HVCN1: variants seen among roughly 807,000 people sequenced by gnomAD.
The protein encoded by HVCN1 is voltage-gated hydrogen channel 1.
Under a neutral mutation model 29.2 loss-of-function variants are expected in HVCN1, and 14 were observed. The observed-to-expected ratio is 0.48, with a 90% confidence interval of 0.32 to 0.75. The LOEUF (loss-of-function observed/expected upper bound fraction) is 0.75. HVCN1 is among the 30% of genes least tolerant of loss of function. The pLI is 0.04. For synonymous variants in HVCN1, 131 were observed against 133.2 expected (o/e 0.98, Z 0.11); for missense variants, 263 against 341.8 (o/e 0.77, Z 1.82).
upstream of HVCN1, among the ~76,000 whole-genome samples, chr12:110,692,890 G>A (rs1365316338): frequency 6.6e-6 from 1 of 152,114 alleles, no homozygotes; most frequent in Non-Finnish European, 1.5e-5. Flanking sequence ...TTTAGAGACA[G>A]GGTCTCACTT....
chr12:110,655,763 G>A (rs1488496143), intron 4 of HVCN1, among the ~76,000 whole-genome samples: 1 of 148,732 alleles, frequency 6.7e-6, no homozygotes, highest in Non-Finnish European at 1.5e-5. Context: ...GGAGTACAGT[G>A]GCATGATCTC....
In HVCN1 at chr12:110,658,034, A is replaced by G. The variant is rs970629903; in HGVS notation, c.307-2696T>C. ...AATGGGAGCATGACGTGAGTGAAGT[A>G]TGAAGGGCGCTTAGCACACGGCTGG... On this transcript the variant is annotated intron_variant, in intron 4 of 7. Transcript: ENST00000242607. The surrounding 1 kb of genome is among the most constrained non-coding windows in gnomAD (Gnocchi z 5.0). Among the ~76,000 whole-genome samples, 1 of 152,160 alleles carries G rather than the reference A, an allele frequency of 6.6e-6. No individual in the cohort carries two copies. The highest frequency in any genetic ancestry group is 2.4e-5 in the African/African-American group (1 of 41,438).
Position 110,649,349 on chromosome 12 carries a change from C to T in HVCN1, c.*61G>A, listed in dbSNP as rs1367284118. ...AGCGGCCCAGGAGGGGCAGCTGTTC[C>T]TCTCGTGACAGCACAGGCCCATGAG... On this transcript the variant is annotated 3_prime_UTR_variant, in exon 8 of 8. Coordinates refer to ENST00000242607, the MANE Select transcript of HVCN1 (RefSeq NM_032369.4). 5.7e-6 allele frequency: 8 copies of T among 1,398,344 alleles called. No individual in the cohort carries two copies. The highest frequency in any genetic ancestry group is 4.7e-5 in the East Asian group (2 of 42,550). The allele number at this position is 1,398,344 out of a possible 1,614,324, so 86.6% of individuals were successfully genotyped here. A position where few individuals can be genotyped will look rare whatever the true frequency, so the allele number is the denominator to read the frequency against.
intron 3 of HVCN1, among the ~76,000 whole-genome samples, chr12:110,665,180 A>G (rs368532669): frequency 4.9e-4 from 75 of 152,350 alleles, no homozygotes; most frequent in African/African-American, 1.8e-3. Context: ...TCATAGATGC[A>G]TACTGTCTAG....
chr12:110,699,469 C>G (rs902661076), intron 2 of HVCN1, among the ~76,000 whole-genome samples: 1 of 152,074 alleles, frequency 6.6e-6, no homozygotes. Context: ...GGCCCCACTG[C>G]CTTCCAGCCG....
At chr12:110,700,284 C>T (rs2069550804) in intron 2 of HVCN1, among the ~76,000 whole-genome samples, 1 of 152,196 alleles carries the variant, frequency 6.6e-6, no homozygotes, top group African/African-American at 2.4e-5. Context: ...AGCTGTTTGT[C>T]CTTGTCGCCC....
Position 110,648,958 on chromosome 12 carries a change from A to G in HVCN1, c.*452T>C, listed in dbSNP as rs769770058. 27 of 430,548 alleles carry G rather than the reference A, an allele frequency of 6.3e-5. No individual in the cohort carries two copies. The highest frequency in any genetic ancestry group is 1.7e-4 in the South Asian group (10 of 58,442). 26.7% of individuals were successfully genotyped at this position (430,548 alleles called of 1,614,324 possible). A position where few individuals can be genotyped will look rare whatever the true frequency, so the allele number is the denominator to read the frequency against. ...GGGTACCCCTTTTGGGGAAACTGAG[A>G]CGAAGCTATTTAGAACAGCTTGAAA... On this transcript the variant is annotated 3_prime_UTR_variant, in exon 8 of 8. Transcript: ENST00000242607.
intron 2 of HVCN1, among the ~76,000 whole-genome samples, chr12:110,698,407 G>T (rs1270370010): frequency 6.6e-6 from 1 of 152,266 alleles, no homozygotes; most frequent in East Asian, 1.9e-4. Flanking sequence ...ACACTCAAGG[G>T]TTTAGCAGCA....
intron 5 of HVCN1, among the ~76,000 whole-genome samples, chr12:110,652,549 T>G (rs1283529075): frequency 6.6e-6 from 1 of 152,178 alleles, no homozygotes; most frequent in Non-Finnish European, 1.5e-5. Context: ...GCAGTCAACT[T>G]GAAGAGGCTC....
At chr12:110,692,531 G>A (rs1037611309), upstream of HVCN1, among the ~76,000 whole-genome samples, 15 of 152,086 alleles carry the variant, frequency 9.9e-5, no homozygotes, top group African/African-American at 3.4e-4. Context: ...ATGAGCCTTG[G>A]TGACAGAACA....
chr12:110,679,935 A>G (rs1020811132), intron 3 of HVCN1, among the ~76,000 whole-genome samples: 1 of 151,870 alleles, frequency 6.6e-6, no homozygotes, highest in Admixed American at 6.6e-5. Context: ...AGGAGGGCCG[A>G]TGAGGCTATC....
At chr12:110,680,050 A>G (rs964711699) in intron 3 of HVCN1, among the ~76,000 whole-genome samples, 1 of 152,208 alleles carries the variant, frequency 6.6e-6, no homozygotes, top group African/African-American at 2.4e-5. Flanking sequence ...CTGACACTCA[A>G]AAAGCTCTAA....
rs372358561 is a variant in HVCN1, at chr12:110,702,030, C to T, written c.-104+279G>A. Among the ~76,000 whole-genome samples, 83 of 150,036 alleles carry T rather than the reference C, an allele frequency of 5.5e-4. 1 individual carries two copies. Among genetic ancestry groups the T allele is most frequent in the African/African-American group, 1.9e-3 (79 of 40,900 alleles). Reference sequence around the variant, plus strand: ...GCACGATCTTAGCTCACTGCAACCTCGCCTCCCGGGTTCAAGTGATTCTCT... The same window carrying T: ...GCACGATCTTAGCTCACTGCAACCTTGCCTCCCGGGTTCAAGTGATTCTCT... On this transcript the variant is annotated intron_variant, in intron 2 of 4. Transcript: ENST00000546713.
At chr12:110,687,852 G>A (rs1222965229) in intron 2 of HVCN1, 1 of 152,498 alleles carries the variant, frequency 6.6e-6, no homozygotes, top group Admixed American at 6.5e-5. Flanking sequence ...CTGTGTCGGG[G>A]AGGGCAGGGG....
At chr12:110,664,302 T>A (rs577677893) in intron 3 of HVCN1, among the ~76,000 whole-genome samples, 2 of 152,246 alleles carry the variant, frequency 1.3e-5, no homozygotes, top group South Asian at 4.1e-4. Flanking sequence ...AATACTGAAA[T>A]GTTTGTTAAG....
chr12:110,654,023 G>T (rs1336579552), intron 5 of HVCN1, among the ~76,000 whole-genome samples: 1 of 152,188 alleles, frequency 6.6e-6, no homozygotes. Context: ...GTGTGCGTCC[G>T]TGGGGATGTA....
At position 110,674,378 on chromosome 12, in the gene HVCN1, A is replaced by G. The variant is rs182194436; in HGVS notation, c.21+8847T>C. 2.0e-5 allele frequency among the ~76,000 whole-genome samples: 3 copies of G among 152,206 alleles called. No homozygotes were observed. The East Asian group carries it at 5.8e-4, about 29-fold the overall frequency. ...AGGGACTTGGTTTGTCTCAGATGAG[A>G]CTTTGGACTGTGGACTTTTGGGCTA... On this transcript the variant is annotated intron_variant, in intron 3 of 7. Coordinates refer to ENST00000242607, the MANE Select transcript of HVCN1 (RefSeq NM_032369.4).
intron 3 of HVCN1, among the ~76,000 whole-genome samples, chr12:110,667,135 A>G (rs1272577380): frequency 6.6e-6 from 1 of 152,044 alleles, no homozygotes; most frequent in Non-Finnish European, 1.5e-5. Context: ...GCCACTGGCC[A>G]TAATTCCTTT....
chr12:110,671,737 A>G (rs1216976522), intron 3 of HVCN1, among the ~76,000 whole-genome samples: 2 of 152,198 alleles, frequency 1.3e-5, no homozygotes, highest in Admixed American at 1.3e-4. Flanking sequence ...ACTTGGAGAA[A>G]GCCCGATTCT....
Sources: gnomAD v4.1 joint callset for allele counts (sites outside exome capture counted in the v4.1 genomes callset) on GRCh38, gnomAD v4.1.1 for gene constraint, Gnocchi (gnomAD v3.1) non-coding constraint, MANE v1.5 for transcripts, NCBI Gene and HGNC (gene_info 2026-07-23, HGNC 2026-07-21) for gene names.